The following RAPGEF4 variants were observed in gnomAD, a reference collection of about 807,000 sequenced individuals.
RAPGEF4 encodes the protein RAP guanine-nucleotide-exchange factor (GEF) 4.
In RAPGEF4, 66 loss-of-function variants were observed where a neutral mutation model predicts 147.9. The ratio of observed to expected loss-of-function variants is 0.45; its 90% CI spans 0.37 to 0.55. The LOEUF is 0.55. RAPGEF4 is among the 20% of genes least tolerant of loss of function. The pLI is 0.00. For synonymous variants in RAPGEF4, 419 were observed against 442.7 expected (o/e 0.95, Z 0.67); for missense variants, 1,071 against 1,257.3 (o/e 0.85, Z 2.24).
At chr2:172,864,631 C>T (rs994885572) in intron 4 of RAPGEF4, among the ~76,000 whole-genome samples, 2 of 152,238 alleles carry the variant, frequency 1.3e-5, no homozygotes, top group African/African-American at 2.4e-5. Flanking sequence ...TGGCCGGGCA[C>T]AGCGGCTCAC....
At chr2:172,765,758 A>G (rs545149397) in intron 1 of RAPGEF4, among the ~76,000 whole-genome samples, 1 of 152,234 alleles carries the variant, frequency 6.6e-6, no homozygotes, top group Non-Finnish European at 1.5e-5. Flanking sequence ...ACTCATCTCT[A>G]CCGCTGGTGC....
intron 16 of RAPGEF4, among the ~76,000 whole-genome samples, chr2:173,000,746 C>CTTTTTTTTTTTTTTTTT (rs869055162): frequency 1.4e-5 from 1 of 72,796 alleles, no homozygotes; most frequent in Admixed American, 1.3e-4. Context: ...TCTTTTCTTT[C>CTTTTTTTTTTTTTTTTT]TTTCTTTTTT....
chr2:172,904,940 T>G (rs1391533639), intron 4 of RAPGEF4, among the ~76,000 whole-genome samples: 2 of 152,030 alleles, frequency 1.3e-5, no homozygotes, highest in Admixed American at 1.3e-4. Context: ...GGATGATGGT[T>G]AAAATTCTTC....
chr2:173,002,198 C>G (rs1316404373), intron 17 of RAPGEF4, among the ~76,000 whole-genome samples: 2 of 152,104 alleles, frequency 1.3e-5, no homozygotes, highest in Admixed American at 1.3e-4. Context: ...CAAGTTATCA[C>G]TGTAGGATAA....
intron 4 of RAPGEF4, among the ~76,000 whole-genome samples, chr2:172,828,837 G>A (rs926928802): frequency 1.3e-5 from 2 of 152,256 alleles, no homozygotes; most frequent in East Asian, 1.9e-4. Context: ...ATGGCAGCCC[G>A]TTCACACATT....
At chr2:172,772,932 C>T (rs1180897546) in intron 1 of RAPGEF4, among the ~76,000 whole-genome samples, 1 of 152,212 alleles carries the variant, frequency 6.6e-6, no homozygotes, top group African/African-American at 2.4e-5. Context: ...GCTTAGCACA[C>T]AGGTCTTCCA....
chr2:173,011,170 G>GCGCACGCACACACACA (rs564434178), intron 17 of RAPGEF4, among the ~76,000 whole-genome samples: 1 of 133,500 alleles, frequency 7.5e-6, no homozygotes, highest in African/African-American at 2.9e-5. Context: ...GCGCGCGCGC[G>GCGCACGCACACACACA]CACACACACA....
chr2:172,797,404 A>C, intron 2 of RAPGEF4, 121 bp from the exon 3 acceptor site: 1 of 662,868 alleles, frequency 1.5e-6, no homozygotes, highest in Non-Finnish European at 2.6e-6. Flanking sequence ...GGCAACAGAT[A>C]GGGGAAGGGT....
intron 26 of RAPGEF4, among the ~76,000 whole-genome samples, chr2:173,031,351 G>A (rs146371889): frequency 2.7e-4 from 41 of 152,286 alleles, no homozygotes; most frequent in Non-Finnish European, 5.1e-4. Context: ...GTAAAAGGAC[G>A]GAGCTCGTGC....
intron 1 of RAPGEF4, among the ~76,000 whole-genome samples, chr2:172,769,388 T>G (rs968249949): frequency 1.3e-5 from 2 of 152,144 alleles, no homozygotes; most frequent in Non-Finnish European, 2.9e-5. Flanking sequence ...GGGAAAGGAA[T>G]GGGCCTGAAG....
At chr2:173,036,099 A>G in intron 27 of RAPGEF4, 26 bp from the exon 28 acceptor site, 1 of 1,528,958 alleles carries the variant, frequency 6.5e-7, no homozygotes, top group Non-Finnish European at 9.1e-7. Flanking sequence ...ACCAGTCATT[A>G]CCATCATCTC....
intron 25 of RAPGEF4, among the ~76,000 whole-genome samples, chr2:173,027,826 A>C (rs1248204569): frequency 1.3e-5 from 2 of 152,230 alleles, no homozygotes; most frequent in African/African-American, 4.8e-5. Flanking sequence ...TACAGGGGCC[A>C]GTTAGAGTTC....
At chr2:172,826,604 A>G (rs1175299047) in intron 4 of RAPGEF4, among the ~76,000 whole-genome samples, 1 of 152,240 alleles carries the variant, frequency 6.6e-6, no homozygotes, top group Non-Finnish European at 1.5e-5. Flanking sequence ...TGTATTTAGT[A>G]GAGATACACC....
intron 5 of RAPGEF4, among the ~76,000 whole-genome samples, chr2:172,921,554 C>T (rs920144342): frequency 6.6e-6 from 1 of 152,188 alleles, no homozygotes; most frequent in Non-Finnish European, 1.5e-5. Flanking sequence ...GTAAAAATGA[C>T]CTATGCTTCT....
chr2:173,010,031 G>T (rs753048518), intron 17 of RAPGEF4, among the ~76,000 whole-genome samples: 4 of 152,196 alleles, frequency 2.6e-5, no homozygotes, highest in Admixed American at 1.3e-4. Flanking sequence ...GAAAATAAGA[G>T]AACTGAGTTC....
intron 17 of RAPGEF4, among the ~76,000 whole-genome samples, chr2:173,010,933 A>C (rs78972109): frequency 2.4e-4 from 37 of 152,272 alleles, no homozygotes; most frequent in African/African-American, 8.7e-4. Context: ...ATAAACATCC[A>C]TGAGGGGACA....
At chr2:172,895,284 T>C (rs1293992482) in intron 4 of RAPGEF4, among the ~76,000 whole-genome samples, 3 of 152,210 alleles carry the variant, frequency 2.0e-5, no homozygotes, top group South Asian at 2.1e-4. Context: ...TACTTGTCCA[T>C]AGGATTTAAT....
intron 1 of RAPGEF4, among the ~76,000 whole-genome samples, chr2:172,744,574 A>T (rs774842396): frequency 6.6e-6 from 1 of 152,310 alleles, no homozygotes; most frequent in Non-Finnish European, 1.5e-5. Flanking sequence ...TGGTTCTAGT[A>T]GTTACTTTAT....
intron 3 of RAPGEF4, among the ~76,000 whole-genome samples, chr2:172,807,014 A>G (rs1044170834): frequency 6.6e-6 from 1 of 152,204 alleles, no homozygotes; most frequent in Non-Finnish European, 1.5e-5. Flanking sequence ...TTATTTTCAA[A>G]CAGAGAACAC....
Sources: gnomAD v4.1 joint callset for allele counts (sites outside exome capture counted in the v4.1 genomes callset) on GRCh38, gnomAD v4.1.1 for gene constraint, MANE v1.5 for transcripts, NCBI Gene and HGNC (gene_info 2026-07-23, HGNC 2026-07-21) for gene names.